Variants in UBN2 observed in about 807,000 individuals in gnomAD.
UBN2 encodes ubinuclein 2, also known as ubinuclein-2.
Under a neutral mutation model 120.2 loss-of-function variants are expected in UBN2, and 35 were observed. The observed-to-expected ratio is 0.29, with a 90% CI of 0.22 to 0.39. The LOEUF (loss-of-function observed/expected upper bound fraction) is 0.39, where lower values mean the gene tolerates loss of function less well. Among genes scored for constraint, UBN2 ranks in the 10% least tolerant of loss-of-function variants. The pLI is 1.00. For missense variants in UBN2, 1,693 were observed against 1,663.2 expected (o/e 1.02, Z -0.31); for synonymous variants, 661 against 648.7 (o/e 1.02, Z -0.29).
At position 139,300,587 on chromosome 7, in the gene UBN2, A is replaced by G. The variant is rs1798230868; in HGVS notation, c.*2751A>G. Reference sequence around the variant, plus strand: ...TTAAAATGGTGAGTCATTGGAAAGGATATCTATAGAGCAACGTGTATTTCT... The same window carrying G: ...TTAAAATGGTGAGTCATTGGAAAGGGTATCTATAGAGCAACGTGTATTTCT... On this transcript the variant is annotated 3_prime_UTR_variant, in exon 18 of 18. Coordinates refer to ENST00000473989, the MANE Select transcript of UBN2 (RefSeq NM_173569.4). 6.6e-6 allele frequency: 1 copy of G among 152,216 alleles called. No homozygotes were observed. The highest frequency in any genetic ancestry group is 2.4e-5 in the African/African-American group (1 of 41,446). The allele number at this position is 152,216 out of a possible 1,614,324, so 9.4% of individuals were successfully genotyped here. A position where few individuals can be genotyped will look rare whatever the true frequency, so the allele number is the denominator to read the frequency against.
chr7:139,285,983 A>G (rs1027753463), intron 15 of UBN2, among the ~76,000 whole-genome samples: 3 of 152,032 alleles, frequency 2.0e-5, no homozygotes, highest in East Asian at 3.9e-4. Context: ...CTGGAGTGCA[A>G]TGACATGATC....
the UBN2 span, among the ~76,000 whole-genome samples, chr7:139,319,979 G>T: frequency 6.6e-6 from 1 of 151,952 alleles, no homozygotes; most frequent in East Asian, 1.9e-4. Context: ...CGGAGGCCAA[G>T]GCAGGAGAAT....
At chr7:139,324,505 G>A in the UBN2 span, among the ~76,000 whole-genome samples, 1 of 136,136 alleles carries the variant, frequency 7.3e-6, no homozygotes, top group African/African-American at 2.9e-5. Flanking sequence ...GCAGTGAGCC[G>A]AGATCGCGCC....
chr7:139,246,543 T>G (rs1796475072), intron 2 of UBN2, among the ~76,000 whole-genome samples: 1 of 152,238 alleles, frequency 6.6e-6, no homozygotes, highest in Non-Finnish European at 1.5e-5. Flanking sequence ...ATGAGAGACT[T>G]TTGAAATAGC....
chr7:139,264,404 A>G (rs576559993), intron 6 of UBN2, among the ~76,000 whole-genome samples: 4 of 152,210 alleles, frequency 2.6e-5, no homozygotes, highest in South Asian at 2.1e-4. Context: ...AGCTAACTCT[A>G]TTAATAATTA....
intron 15 of UBN2, 33 bp downstream of exon 15, chr7:139,284,607 T>G: frequency 6.5e-7 from 1 of 1,528,250 alleles, no homozygotes; most frequent in Non-Finnish European, 8.8e-7. Context: ...TGTGATAAAC[T>G]ATAAGATTGT....
At position 139,251,941 on chromosome 7, in the gene UBN2, A is replaced by G. The variant is rs1207990471; in HGVS notation, c.562-15A>G. ...CATGAGTACCAAATCAGTCTAATGT[A>G]TCTGTTCTTTGCAGGGTGGGAAACC... On this transcript the variant is annotated splice_polypyrimidine_tract_variant and intron_variant, in intron 2 of 17. Coordinates refer to ENST00000473989, the MANE Select transcript of UBN2 (RefSeq NM_173569.4). 4 of 1,608,878 alleles carry G rather than the reference A, an allele frequency of 2.5e-6. No homozygotes were observed. The highest frequency in any genetic ancestry group is 2.7e-5 in the African/African-American group (2 of 74,852).
rs750723773 is a variant in UBN2 at position 139,283,598 on chromosome 7, C to T, written c.2693C>T (p.Ser898Phe). The T allele has an allele frequency of 1.2e-6, 2 of 1,614,200 alleles. No homozygotes were observed. Among genetic ancestry groups the T allele is most frequent in the East Asian group, 4.5e-5 (2 of 44,880 alleles). ...HTSSSSQTHV[S>F]SSSQAQIAAS... ...TCTTCCTCTTCACAGACCCATGTCT[C>T]CTCTTCTTCCCAAGCCCAAATTGCT... The change falls in exon 15 of 18, where the codon TCC becomes TTC. Residue 898 changes from serine (S) to phenylalanine (F), a missense_variant. This residue lies in a region of UBN2 where 837 missense variants were observed against 817.6 expected (regional missense o/e 1.02). Transcript: ENST00000473989.
the UBN2 span, among the ~76,000 whole-genome samples, chr7:139,318,202 T>C: frequency 6.6e-6 from 1 of 152,210 alleles, no homozygotes; most frequent in Admixed American, 6.5e-5. Flanking sequence ...CCTCCGAGCT[T>C]GTTTTTCCCT....
rs567738430 is a variant in UBN2 at position 139,259,516 on chromosome 7, G to A, written c.905+146G>A. 76 of 1,116,986 alleles carry A rather than the reference G, an allele frequency of 6.8e-5. 4 individuals are homozygous for A. In the South Asian group the frequency reaches 1.5e-3, roughly 22 times the overall value. The allele number at this position is 1,116,986 out of a possible 1,614,324, so 69.2% of individuals were successfully genotyped here. On this transcript the variant is annotated intron_variant, in intron 5 of 17. Transcript: ENST00000473989. ...ACATATTAGTGACTTATGTTTAATA[G>A]TATTGTAGTATTTGTTCTTAAGTAG...
chr7:139,323,867 G>A, the UBN2 span, among the ~76,000 whole-genome samples: 21 of 152,022 alleles, frequency 1.4e-4, no homozygotes, highest in African/African-American at 2.4e-5. Flanking sequence ...AGGAAAAAGC[G>A]GTATTATTAT....
chr7:139,237,382 C>T (rs920698657), intron 2 of UBN2, among the ~76,000 whole-genome samples: 12 of 152,066 alleles, frequency 7.9e-5, no homozygotes, highest in East Asian at 1.9e-4. Context: ...CTGCAACCTC[C>T]GCCTCCCAGG....
chr7:139,290,047 C>G (rs183004784), intron 15 of UBN2, among the ~76,000 whole-genome samples: 3 of 152,304 alleles, frequency 2.0e-5, no homozygotes, highest in African/African-American at 4.8e-5. Context: ...GCATGCGCCA[C>G]CACACCTGGC....
intron 11 of UBN2, 147 bp downstream of exon 11, chr7:139,274,221 G>C (rs1422885860): frequency 1.3e-6 from 1 of 779,464 alleles, no homozygotes; most frequent in East Asian, 3.2e-5. Flanking sequence ...GATGATCCTT[G>C]CTTTGAAAAC....
At chr7:139,264,278 TTTG>T (rs1313636425) in intron 6 of UBN2, among the ~76,000 whole-genome samples, 1 of 152,210 alleles carries the variant, frequency 6.6e-6, no homozygotes, top group Non-Finnish European at 1.5e-5. Flanking sequence ...CTACTGATTT[TTTG>T]TTGTTGTTGA....
chr7:139,268,329 C>T (rs1416689720), intron 7 of UBN2, among the ~76,000 whole-genome samples: 3 of 152,048 alleles, frequency 2.0e-5, no homozygotes, highest in South Asian at 2.1e-4. Flanking sequence ...CTTATTCCCT[C>T]AGCCTCTTTT....
At chr7:139,296,180 A>T (rs1484458057) in intron 17 of UBN2, among the ~76,000 whole-genome samples, 2 of 152,218 alleles carry the variant, frequency 1.3e-5, no homozygotes, top group Non-Finnish European at 2.9e-5. Context: ...GTTAATGTTG[A>T]TTAATTTTAT....
chr7:139,231,634 G>GCCGCCGGCC lies in UBN2; in HGVS notation c.155_163dup (p.Pro52_Pro54dup). 8.0e-7 allele frequency: 1 copy of GCCGCCGGCC among 1,243,820 alleles called. No homozygotes were observed. Among genetic ancestry groups the GCCGCCGGCC allele is most frequent in the Non-Finnish European group, 1.0e-6 (1 of 995,304 alleles). 77.0% of individuals were successfully genotyped at this position (1,243,820 alleles called of 1,614,324 possible). A position where few individuals can be genotyped will look rare whatever the true frequency, so the allele number is the denominator to read the frequency against. On this transcript the variant is annotated inframe_insertion, in exon 1 of 18. Transcript: ENST00000473989. ...CGTACCGCGAGCCGGCCCGGGCGGAGCCGCCGGCCCCGCGGGAGCCTGCCC... is the reference window on the plus strand; with the variant it reads ...CGTACCGCGAGCCGGCCCGGGCGGAGCCGCCGGCCCCGCCGGCCCCGCGGGAGCCTGCCC...
At chr7:139,278,740 A>T (rs1022759132) in intron 12 of UBN2, among the ~76,000 whole-genome samples, 1 of 152,166 alleles carries the variant, frequency 6.6e-6, no homozygotes, top group Non-Finnish European at 1.5e-5. Context: ...AAGGTGAAGT[A>T]TTTTAGCTTG....
Sources: allele counts gnomAD v4.1 joint callset (sites outside exome capture counted in the v4.1 genomes callset), GRCh38; gene constraint gnomAD v4.1.1; regional missense constraint gnomAD v4.1.1; transcripts MANE v1.5; gene names NCBI Gene and HGNC (gene_info 2026-07-23, HGNC 2026-07-21).